OXR1: variants seen among roughly 807,000 people sequenced by gnomAD.
The protein encoded by OXR1 is oxidation resistance protein 1.
OXR1 carries 41 observed loss-of-function variants against 104.6 expected under a neutral mutation model. That is an observed-to-expected ratio of 0.39 (90% CI 0.31 to 0.51). OXR1 has a LOEUF of 0.51. Ranked by LOEUF, OXR1 falls within the 20% of genes least tolerant of loss-of-function variation. The pLI is 0.77. For missense variants in OXR1, 955 were observed against 1,031.9 expected (o/e 0.93, Z 1.02); for synonymous variants, 348 against 348.4 (o/e 1.00, Z 0.01).
chr8:106,657,702 C>A (rs376844107), intron 3 of OXR1: 1 of 411,228 alleles, frequency 2.4e-6, no homozygotes. Context: ...GAAGAATACA[C>A]CTATGTGACA....
intron 3 of OXR1, among the ~76,000 whole-genome samples, chr8:106,534,363 C>T (rs887535979): frequency 6.6e-6 from 1 of 152,210 alleles, no homozygotes; most frequent in African/African-American, 2.4e-5. Flanking sequence ...CCAGAACAAA[C>T]TACCCAGTTC....
chr8:106,750,324 C>CTT (rs35858491), intron 16 of OXR1, among the ~76,000 whole-genome samples: 52 of 138,170 alleles, frequency 3.8e-4, no homozygotes, highest in African/African-American at 1.3e-3. Flanking sequence ...CTTTTCTTTT[C>CTT]TTTTTTTTTT....
intron 11 of OXR1, among the ~76,000 whole-genome samples, chr8:106,719,122 T>TA (rs1056174939): frequency 4.6e-5 from 7 of 152,222 alleles, no homozygotes; most frequent in African/African-American, 1.4e-4. Flanking sequence ...TCAATAAGTA[T>TA]ATCCAGTGTT....
Position 106,723,476 on chromosome 8 carries a change from C to A in OXR1, c.1956+9491C>A, listed in dbSNP as rs554971963. On this transcript the variant is annotated intron_variant, in intron 11 of 16. Coordinates refer to ENST00000517566, the MANE Select transcript of OXR1 (RefSeq NM_001198533.2). ...TCGTGCCACTGCACTCCAGCCTGGG[C>A]GACAGAGCAAGCCTCTGTCTCAAAA... Among the ~76,000 whole-genome samples, 337 of 144,906 alleles carry A rather than the reference C, an allele frequency of 2.3e-3. 2 individuals carry two copies. The highest frequency in any genetic ancestry group is 8.2e-3 in the African/African-American group (319 of 38,940).
intron 3 of OXR1, among the ~76,000 whole-genome samples, chr8:106,582,889 T>C (rs1471882532): frequency 1.3e-5 from 2 of 152,188 alleles, no homozygotes; most frequent in Admixed American, 6.5e-5. Flanking sequence ...GCACCACTTT[T>C]AGGATATGAA....
intron 3 of OXR1, among the ~76,000 whole-genome samples, chr8:106,642,182 G>A (rs1461818681): frequency 6.6e-6 from 1 of 152,136 alleles, no homozygotes; most frequent in African/African-American, 2.4e-5. Context: ...TACAGTGAAA[G>A]AACACCTACA....
At position 106,549,650 on chromosome 8, in the gene OXR1, C is replaced by T. The variant is rs181707722; in HGVS notation, c.220+30511C>T. Among the ~76,000 whole-genome samples, 256 of 152,272 alleles carry T rather than the reference C, an allele frequency of 1.7e-3. 1 individual carries two copies. Among genetic ancestry groups the T allele is most frequent in the African/African-American group, 4.5e-3 (188 of 41,558 alleles). On this transcript the variant is annotated intron_variant, in intron 3 of 16. Coordinates refer to ENST00000517566, the MANE Select transcript of OXR1 (RefSeq NM_001198533.2). ...TAGATGCTGGAGAGTTCAAGATCAA[C>T]GCACCTGCAGATTTGATGTCTGGTG...
At chr8:106,420,952 G>A (rs1381068746) in intron 2 of OXR1, among the ~76,000 whole-genome samples, 1 of 152,020 alleles carries the variant, frequency 6.6e-6, no homozygotes, top group Non-Finnish European at 1.5e-5. Context: ...TGTAAGCAGA[G>A]TCAAGATCGG....
At chr8:106,526,306 G>T (rs1353683484) in intron 3 of OXR1, among the ~76,000 whole-genome samples, 1 of 152,044 alleles carries the variant, frequency 6.6e-6, no homozygotes, top group Non-Finnish European at 1.5e-5. Context: ...CACCTTCCTT[G>T]GAATCAGATT....
intron 3 of OXR1, among the ~76,000 whole-genome samples, chr8:106,637,064 T>C (rs1823199523): frequency 6.6e-6 from 1 of 152,194 alleles, no homozygotes. Context: ...AATCATTCCT[T>C]TGGCATACTG....
At chr8:106,625,997 A>G (rs1220935906) in intron 3 of OXR1, among the ~76,000 whole-genome samples, 1 of 151,754 alleles carries the variant, frequency 6.6e-6, no homozygotes, top group Admixed American at 6.6e-5. Context: ...TTTTAGAATT[A>G]AAAAATATTT....
At chr8:106,495,341 A>C (rs1033738824) in intron 2 of OXR1, among the ~76,000 whole-genome samples, 11 of 152,176 alleles carry the variant, frequency 7.2e-5, no homozygotes, top group Non-Finnish European at 1.6e-4. Flanking sequence ...GCTTGCACTC[A>C]TCCTGGAAGA....
At chr8:106,710,852 G>GACACACAAAATAAT in intron 10 of OXR1, 62 bp downstream of exon 10, 5 of 1,066,458 alleles carry the variant, frequency 4.7e-6, no homozygotes, top group Non-Finnish European at 5.1e-6. Context: ...AAATTATTTT[G>GACACACAAAATAAT]TGTGTCAAAA....
intron 3 of OXR1, among the ~76,000 whole-genome samples, chr8:106,674,201 C>T (rs1827334561): frequency 6.6e-6 from 1 of 152,202 alleles, no homozygotes; most frequent in South Asian, 2.1e-4. Flanking sequence ...CCTGCCAAGC[C>T]ACAGGGGTGG....
chr8:106,414,190 T>C (rs997586646), intron 2 of OXR1, among the ~76,000 whole-genome samples: 2 of 152,160 alleles, frequency 1.3e-5, no homozygotes, highest in African/African-American at 2.4e-5. Context: ...CTTTATTTCA[T>C]GGTATTAATG....
chr8:106,396,516 C>T (rs1817789848), intron 2 of OXR1, among the ~76,000 whole-genome samples: 1 of 152,048 alleles, frequency 6.6e-6, no homozygotes, highest in South Asian at 2.1e-4. Flanking sequence ...ATTATTAAAA[C>T]TGTCAAGGTA....
At chr8:106,306,346 A>G (rs189762361) in intron 1 of OXR1, among the ~76,000 whole-genome samples, 2 of 152,278 alleles carry the variant, frequency 1.3e-5, no homozygotes, top group African/African-American at 4.8e-5. Flanking sequence ...TATCCATTAT[A>G]TCTTGATCTC....
At chr8:106,601,918 G>C (rs901334502) in intron 3 of OXR1, among the ~76,000 whole-genome samples, 1 of 152,214 alleles carries the variant, frequency 6.6e-6, no homozygotes, top group African/African-American at 2.4e-5. Context: ...AGAGACAGAA[G>C]TCAGAGAGAT....
intron 3 of OXR1, among the ~76,000 whole-genome samples, chr8:106,651,546 T>C (rs919241860): frequency 5.9e-5 from 9 of 152,172 alleles, no homozygotes; most frequent in Non-Finnish European, 1.0e-4. Context: ...CTGGGCATCA[T>C]TGTTGAAAAT....
Sources: gnomAD v4.1 joint callset for allele counts (sites outside exome capture counted in the v4.1 genomes callset) on GRCh38, gnomAD v4.1.1 for gene constraint, MANE v1.5 for transcripts, NCBI Gene and HGNC (gene_info 2026-07-23, HGNC 2026-07-21) for gene names.